Variants in PKNOX2 observed in about 807,000 individuals in gnomAD.
The protein encoded by PKNOX2 is PBX/knotted 1 homeobox 2.
PKNOX2 carries 14 observed loss-of-function variants against 53.1 expected under a neutral mutation model. The ratio of observed to expected loss-of-function variants is 0.26; its 90% CI spans 0.17 to 0.41. The LOEUF (loss-of-function observed/expected upper bound fraction) is 0.41, where lower values mean the gene tolerates loss of function less well. Among genes scored for constraint, PKNOX2 ranks in the 10% least tolerant of loss-of-function variants. PKNOX2 has a pLI of 1.00. For synonymous variants in PKNOX2, 257 were observed against 242.8 expected (o/e 1.06, Z -0.54); for missense variants, 496 against 602.8 (o/e 0.82, Z 1.85).
intron 1 of PKNOX2, among the ~76,000 whole-genome samples, chr11:125,211,599 A>G (rs1233095599): frequency 2.0e-5 from 3 of 152,092 alleles, no homozygotes; most frequent in African/African-American, 7.2e-5. Context: ...GGCCTTTCTG[A>G]GCTGAGCCCT....
intron 6 of PKNOX2, among the ~76,000 whole-genome samples, chr11:125,394,196 G>C (rs1056656435): frequency 1.3e-5 from 2 of 152,170 alleles, no homozygotes; most frequent in Non-Finnish European, 2.9e-5. Context: ...ATTACACTGA[G>C]AGACATAGAC....
At position 125,352,386 on chromosome 11, in the gene PKNOX2, C is replaced by A. The variant is rs1285224108; in HGVS notation, c.87+994C>A. On this transcript the variant is annotated intron_variant, in intron 4 of 12. Coordinates refer to ENST00000298282, the MANE Select transcript of PKNOX2 (RefSeq NM_001382323.2). The surrounding 1 kb of genome is among the most constrained non-coding windows in gnomAD (Gnocchi z 4.1). ...GCAGGTGCCCGCTGGGTGCTGTGGG[C>A]AGGCTACCATCTGCACTCCTCCAGC... Among the ~76,000 whole-genome samples, 2 of 152,194 alleles carry A rather than the reference C, an allele frequency of 1.3e-5. No individual in the cohort carries two copies. The highest frequency in any genetic ancestry group is 4.8e-5 in the African/African-American group (2 of 41,456).
rs146949949 is a variant in PKNOX2, at chr11:125,248,801, G to A, written c.-130+13686G>A. Among the ~76,000 whole-genome samples, 546 of 146,660 alleles carry A rather than the reference G, an allele frequency of 3.7e-3. 3 individuals are homozygous for A. The highest frequency in any genetic ancestry group is 0.013 in the African/African-American group (508 of 40,212). The stretch of plus-strand genomic sequence containing the variant: ...TGTCCTATATGATGGGTCTCACTAT[G>A]TTGCCCAGGGTGGACTTGAATTGCC... On this transcript the variant is annotated intron_variant, in intron 2 of 12. Coordinates refer to ENST00000298282, the MANE Select transcript of PKNOX2 (RefSeq NM_001382323.2).
chr11:125,224,771 C>G (rs1439854755), intron 1 of PKNOX2, among the ~76,000 whole-genome samples: 1 of 152,204 alleles, frequency 6.6e-6, no homozygotes, highest in Non-Finnish European at 1.5e-5. Context: ...CAGCCAAACT[C>G]CCTCATAATC....
At chr11:125,261,045 A>T (rs900833082) in intron 2 of PKNOX2, among the ~76,000 whole-genome samples, 1 of 152,196 alleles carries the variant, frequency 6.6e-6, no homozygotes, top group African/African-American at 2.4e-5. Flanking sequence ...AGTAAGTGAT[A>T]GGGATTTAAA....
At chr11:125,377,549 C>T (rs1952914627) in intron 5 of PKNOX2, among the ~76,000 whole-genome samples, 1 of 152,220 alleles carries the variant, frequency 6.6e-6, no homozygotes, top group Non-Finnish European at 1.5e-5. Context: ...CAGAAGTTTG[C>T]TTTCCACGGG....
intron 1 of PKNOX2, among the ~76,000 whole-genome samples, chr11:125,204,846 T>C (rs888950465): frequency 7.2e-5 from 11 of 152,214 alleles, no homozygotes; most frequent in Non-Finnish European, 1.3e-4. Flanking sequence ...TCCTGGGGTA[T>C]ACCTGTTCTT....
chr11:125,398,042 T>C lies in PKNOX2; in HGVS notation c.568T>C (p.Ser190Pro), dbSNP rs751784021. Residue 190 changes from serine (S) to proline (P), a missense_variant, in exon 7 of 13, where the codon TCC becomes CCC. Ser to Pro is a moderately conservative substitution (Grantham distance 74, BLOSUM62 -1). This residue lies in a region of PKNOX2 where 141 missense variants were observed against 143.9 expected (regional missense o/e 0.98). Coordinates refer to ENST00000298282, the MANE Select transcript of PKNOX2 (RefSeq NM_001382323.2). The stretch of plus-strand genomic sequence containing the variant: ...GGGGCCCTACTCCCCCAACCAGCCC[T>C]CCATCAACCTTCACTCACAGGTAAC... ...LGGPYSPNQP[S>P]INLHSQDLLQ... 5.1e-5 allele frequency: 82 copies of C among 1,611,830 alleles called. No homozygotes were observed. Among genetic ancestry groups the C allele is most frequent in the Non-Finnish European group, 7.0e-5 (82 of 1,178,848 alleles).
At chr11:125,295,511 G>T (rs768044842) in intron 2 of PKNOX2, among the ~76,000 whole-genome samples, 1 of 152,244 alleles carries the variant, frequency 6.6e-6, no homozygotes, top group Non-Finnish European at 1.5e-5. Context: ...AGAGCAGAGT[G>T]AGGGCTCAGG....
At position 125,404,612 on chromosome 11, in the gene PKNOX2, AAC is replaced by A. The variant is rs145987682; in HGVS notation, c.589-5576_589-5575del. On this transcript the variant is annotated intron_variant, in intron 7 of 12. Coordinates refer to ENST00000298282, the MANE Select transcript of PKNOX2 (RefSeq NM_001382323.2). ...GCACATTTGCGCGGGCACACACACAAACACACACATCACACACACACAAACAC... is the reference window on the plus strand; with the variant it reads ...GCACATTTGCGCGGGCACACACACAAACACACATCACACACACACAAACAC... 7.5e-3 allele frequency among the ~76,000 whole-genome samples: 1,138 copies of A among 151,026 alleles called. 23 individuals carry two copies. Among genetic ancestry groups the A allele is most frequent in the East Asian group, 0.07 (360 of 5,162 alleles).
At chr11:125,384,552 C>T (rs988652169) in intron 5 of PKNOX2, among the ~76,000 whole-genome samples, 3 of 152,086 alleles carry the variant, frequency 2.0e-5, no homozygotes, top group Non-Finnish European at 2.9e-5. Context: ...GGCGTGGTGG[C>T]GGAGGCCTGT....
intron 5 of PKNOX2, among the ~76,000 whole-genome samples, chr11:125,369,337 A>G (rs532802737): frequency 2.6e-5 from 4 of 152,304 alleles, no homozygotes; most frequent in African/African-American, 9.6e-5. Flanking sequence ...TTGGGCCCCA[A>G]AGAACTCCAG....
At chr11:125,196,985 G>T (rs1047033290) in intron 1 of PKNOX2, among the ~76,000 whole-genome samples, 2 of 152,226 alleles carry the variant, frequency 1.3e-5, no homozygotes, top group African/African-American at 4.8e-5. Context: ...AGCCGTAAGC[G>T]ATGTGGCTAC....
chr11:125,178,609 G>GGAAAGAAAGAAA lies in PKNOX2; in HGVS notation c.-201+13861_-201+13872dup, dbSNP rs369928323. ...AGGAAGGAAGGAAGGAAGGAAGGAAGGAAAGAAAGAAAGAAAGAAAGAAAG... is the reference window on the plus strand; with the variant it reads ...AGGAAGGAAGGAAGGAAGGAAGGAAGGAAAGAAAGAAAGAAAGAAAGAAAGAAAGAAAGAAAG... On this transcript the variant is annotated intron_variant, in intron 1 of 12. Transcript: ENST00000298282. Among the ~76,000 whole-genome samples the GGAAAGAAAGAAA allele has an allele frequency of 2.8e-4, 13 of 46,248 alleles. 1 individual carries two copies. The highest frequency in any genetic ancestry group is 9.8e-4 in the East Asian group (1 of 1,022). The allele number at this position is 46,248 out of a possible 152,430, so 30.3% of individuals were successfully genotyped here.
chr11:125,268,737 G>A (rs764835150), intron 2 of PKNOX2, among the ~76,000 whole-genome samples: 2 of 152,164 alleles, frequency 1.3e-5, no homozygotes, highest in Non-Finnish European at 2.9e-5. Flanking sequence ...CATCAGTTCA[G>A]TGGTGGTATT....
chr11:125,169,431 T>C (rs112005361), intron 1 of PKNOX2, among the ~76,000 whole-genome samples: 3 of 152,126 alleles, frequency 2.0e-5, no homozygotes, highest in African/African-American at 7.2e-5. Flanking sequence ...TAATTAAATC[T>C]AATACCTGGT....
chr11:125,417,087 C>G (rs967403634), intron 10 of PKNOX2, among the ~76,000 whole-genome samples: 4 of 152,082 alleles, frequency 2.6e-5, no homozygotes, highest in African/African-American at 7.3e-5. Context: ...AGAGGCCACA[C>G]TCCTGCTGGA....
chr11:125,237,893 T>A (rs1942848722), intron 2 of PKNOX2, among the ~76,000 whole-genome samples: 1 of 152,142 alleles, frequency 6.6e-6, no homozygotes, highest in South Asian at 2.1e-4. Flanking sequence ...TCCATCCCCA[T>A]GGACTTCTAA....
chr11:125,305,421 G>A (rs865884354), intron 2 of PKNOX2, among the ~76,000 whole-genome samples: 1 of 152,088 alleles, frequency 6.6e-6, no homozygotes, highest in Non-Finnish European at 1.5e-5. Flanking sequence ...AGCCTGCTGC[G>A]AACTCCCTGA....
Sources: allele counts gnomAD v4.1 joint callset (sites outside exome capture counted in the v4.1 genomes callset), GRCh38; gene constraint gnomAD v4.1.1; regional missense constraint gnomAD v4.1.1; non-coding constraint Gnocchi (gnomAD v3.1); transcripts MANE v1.5; gene names NCBI Gene and HGNC (gene_info 2026-07-23, HGNC 2026-07-21).